MFSD6: variants seen among roughly 807,000 people sequenced by gnomAD.
MFSD6 encodes major facilitator superfamily domain-containing protein 6.
A neutral mutation model predicts 56.3 loss-of-function variants in MFSD6; 26 were observed. The ratio of observed to expected loss-of-function variants is 0.46; its 90% confidence interval spans 0.34 to 0.64. MFSD6 has a LOEUF of 0.64. MFSD6 is among the 30% of genes least tolerant of loss of function. The pLI is 0.01. For missense variants in MFSD6, 750 were observed against 986.2 expected (o/e 0.76, Z 3.21); for synonymous variants, 331 against 366.9 (o/e 0.90, Z 1.12).
Position 190,412,331 on chromosome 2 carries a change from T to G in MFSD6, c.-175-2961T>G, listed in dbSNP as rs1575810936. 1 of 984,036 alleles carries G rather than the reference T, an allele frequency of 1.0e-6. No individual in the cohort carries two copies. Among genetic ancestry groups the G allele is most frequent in the Non-Finnish European group, 1.2e-6 (1 of 828,776 alleles). 61.0% of individuals were successfully genotyped at this position (984,036 alleles called of 1,614,324 possible). On this transcript the variant is annotated intron_variant, in intron 1 of 7. Transcript: ENST00000392328. The surrounding 1 kb of genome is among the most constrained non-coding windows in gnomAD (Gnocchi z 4.1). ...GTAAAAGTATTTTACAGAAGAGATA[T>G]TCTCACAATTTTAGGTATTATCCAA... is the stretch of plus-strand genomic sequence containing the variant.
Position 190,435,977 on chromosome 2 carries a change from A to T in MFSD6, c.-53A>T. 1 of 1,543,640 alleles carries T rather than the reference A, an allele frequency of 6.5e-7. No individual in the cohort carries two copies. The highest frequency in any genetic ancestry group is 8.7e-7 in the Non-Finnish European group (1 of 1,147,100). ...CCATCTTTTAAATTTTACTTTACAG[A>T]TCAACAGTACAAATTCTGAAGTTTG... On this transcript the variant is annotated splice_region_variant and 5_prime_UTR_variant, in exon 3 of 8. Transcript: ENST00000392328.
At position 190,490,275 on chromosome 2, in the gene MFSD6, A is replaced by C. The variant is rs541440807; in HGVS notation, c.1891+409A>C. Among the ~76,000 whole-genome samples, 54 of 152,144 alleles carry C rather than the reference A, an allele frequency of 3.5e-4. No homozygotes were observed. The highest frequency in any genetic ancestry group is 6.6e-4 in the Non-Finnish European group (45 of 67,970). ...TACCTTCATTTGTTAAAAAAAAAAA[A>C]AACAATGGCCGGGTGCAGTGGCTCA... On this transcript the variant is annotated intron_variant, in intron 6 of 7. Transcript: ENST00000392328. The surrounding 1 kb of genome is among the most constrained non-coding windows in gnomAD (Gnocchi z 4.5).
chr2:190,454,993 T>TA lies in MFSD6; in HGVS notation c.1533-14764dup, dbSNP rs377412166. Among the ~76,000 whole-genome samples, 3 of 83,736 alleles carry TA rather than the reference T, an allele frequency of 3.6e-5. No homozygotes were observed. The highest frequency in any genetic ancestry group is 9.6e-5 in the African/African-American group (3 of 31,102). 54.9% of individuals were successfully genotyped at this position (83,736 alleles called of 152,430 possible). A position where few individuals can be genotyped will look rare whatever the true frequency, so the allele number is the denominator to read the frequency against. On this transcript the variant is annotated intron_variant, in intron 3 of 7. Coordinates refer to ENST00000392328, the MANE Select transcript of MFSD6 (RefSeq NM_017694.4). This position sits in a 1 kb window ranked among gnomAD's most constrained non-coding sequence, Gnocchi z 4.6. ...ATATGTATATGTATATGTATATGTA[T>TA]ATGTATAATGTATATGTATATGTAT...
intron 4 of MFSD6, among the ~76,000 whole-genome samples, chr2:190,482,868 CT>C (rs199927176): frequency 1.1e-3 from 52 of 48,258 alleles, no homozygotes; most frequent in African/African-American, 1.5e-3. Context: ...AGACTATCAT[CT>C]TTTTTTTTTT....
chr2:190,434,845 C>G lies in MFSD6; in HGVS notation c.-53-1132C>G, dbSNP rs1686124266. Among the ~76,000 whole-genome samples, 1 of 152,228 alleles carries G rather than the reference C, an allele frequency of 6.6e-6. No individual in the cohort carries two copies. The highest frequency in any genetic ancestry group is 1.5e-5 in the Non-Finnish European group (1 of 68,032). ...ACCCCTGGACCATGGACCGCTACCA[C>G]TCTGTGGCCTGTTAGGAATTGGGCT... On this transcript the variant is annotated intron_variant, in intron 2 of 7. Transcript: ENST00000392328. The surrounding 1 kb of genome is among the most constrained non-coding windows in gnomAD (Gnocchi z 4.3).
rs951442449 is a variant in MFSD6, at chr2:190,459,073, C to G, written c.1533-10685C>G. The stretch of plus-strand genomic sequence containing the variant: ...CCTTCCCATCCTTGAGTCTCACCTG[C>G]AGCTTTGCTTCTCCAACTCCCTAGG... On this transcript the variant is annotated intron_variant, in intron 3 of 7. Coordinates refer to ENST00000392328, the MANE Select transcript of MFSD6 (RefSeq NM_017694.4). This position sits in a 1 kb window ranked among gnomAD's most constrained non-coding sequence, Gnocchi z 5.3. Among the ~76,000 whole-genome samples the G allele has an allele frequency of 1.3e-5, 2 of 152,208 alleles. No individual in the cohort carries two copies. The highest frequency in any genetic ancestry group is 4.8e-5 in the African/African-American group (2 of 41,458).
At chr2:190,408,714 C>A (rs1394636124) in intron 1 of MFSD6, among the ~76,000 whole-genome samples, 1 of 150,812 alleles carries the variant, frequency 6.6e-6, no homozygotes, top group African/African-American at 2.4e-5. Context: ...TCCCTCCCTC[C>A]CCCGGCTTCC....
chr2:190,470,067 C>G (rs528543781), intron 4 of MFSD6, among the ~76,000 whole-genome samples: 10 of 152,262 alleles, frequency 6.6e-5, no homozygotes, highest in Admixed American at 3.9e-4. Context: ...CAAAGCTGGA[C>G]TTGATCCACA....
intron 3 of MFSD6, among the ~76,000 whole-genome samples, chr2:190,460,688 A>G (rs62181019): frequency 0.19 from 29,099 of 152,040 alleles, 2,948 homozygotes; most frequent in East Asian, 0.29. Context: ...TGATGCTGCA[A>G]TCACATATTA....
At position 190,462,105 on chromosome 2, in the gene MFSD6, G is replaced by A. The variant is rs1687359953; in HGVS notation, c.1533-7653G>A. 6.6e-6 allele frequency among the ~76,000 whole-genome samples: 1 copy of A among 152,026 alleles called. No individual in the cohort carries two copies. The highest frequency in any genetic ancestry group is 2.4e-5 in the African/African-American group (1 of 41,394). On this transcript the variant is annotated intron_variant, in intron 3 of 7. Transcript: ENST00000392328. The surrounding 1 kb of genome is among the most constrained non-coding windows in gnomAD (Gnocchi z 5.7). The stretch of plus-strand genomic sequence containing the variant: ...CAGATTTCCAGGATAATCATTGTTC[G>A]TGATTTGCTGTCTGTCTCCTTCTTG...
chr2:190,460,306 T>A (rs918362775), intron 3 of MFSD6, among the ~76,000 whole-genome samples: 2 of 152,250 alleles, frequency 1.3e-5, no homozygotes, highest in South Asian at 2.1e-4. Context: ...ATCTATTTTT[T>A]AAATATATTT....
rs746800451 is a variant in MFSD6, at chr2:190,436,586, C to G, written c.557C>G (p.Thr186Ser). 1.2e-6 allele frequency: 2 copies of G among 1,614,094 alleles called. No individual in the cohort carries two copies. The highest frequency in any genetic ancestry group is 2.7e-5 in the African/African-American group (2 of 74,940). ...ATCCTGCCAACAAATTCTTCCTTTACCTCTTTCCTCACCATATCACCAAAA... is the reference window on the plus strand; with the variant it reads ...ATCCTGCCAACAAATTCTTCCTTTAGCTCTTTCCTCACCATATCACCAAAA... ...LTILPTNSSF[T>S]SFLTISPKMR... The change falls in exon 3 of 8, where the codon ACC becomes AGC. Residue 186 changes from threonine (T) to serine (S), a missense_variant. By Grantham distance (58) the Thr-to-Ser change is moderately conservative. Transcript: ENST00000392328. This position sits in a 1 kb window ranked among gnomAD's most constrained non-coding sequence, Gnocchi z 5.3.
chr2:190,468,619 A>AT (rs71027223), intron 3 of MFSD6, among the ~76,000 whole-genome samples: 5,960 of 128,000 alleles, frequency 0.047, 218 homozygotes, highest in Middle Eastern at 0.15. Flanking sequence ...AGCCTGGCTA[A>AT]TTTTTTTTTT....
chr2:190,440,525 A>G (rs1000447928), intron 3 of MFSD6, among the ~76,000 whole-genome samples: 91 of 152,378 alleles, frequency 6.0e-4, no homozygotes, highest in Admixed American at 5.7e-3. Context: ...ATCTTAAGGT[A>G]TCTTCACATT....
intron 6 of MFSD6, among the ~76,000 whole-genome samples, chr2:190,493,668 G>GTACT (rs1689495595): frequency 6.6e-6 from 1 of 152,006 alleles, no homozygotes. Context: ...ATTATATCAA[G>GTACT]TACTCTCTCA....
rs2124990490 is a variant in MFSD6, at chr2:190,417,953, T to G, written c.-54+2540T>G. On this transcript the variant is annotated intron_variant, in intron 2 of 7. Transcript: ENST00000392328. This position sits in a 1 kb window ranked among gnomAD's most constrained non-coding sequence, Gnocchi z 5.7. ...TCCATTATTATTCTGACTTTTCATT[T>G]AACCCTTTAGTGGTGTGTGTGTGTG... Among the ~76,000 whole-genome samples the G allele has an allele frequency of 6.8e-6, 1 of 147,160 alleles. No homozygotes were observed. Among genetic ancestry groups the G allele is most frequent in the African/African-American group, 2.6e-5 (1 of 39,180 alleles).
chr2:190,413,040 AGTTAC>A lies in MFSD6; in HGVS notation c.-175-2251_-175-2247del, dbSNP rs1402547545. ...CTATATGTTAATATGTGTCTGCTAT[AGTTAC>A]TGGTTGCTATGTTATGGCTTTAAAA... On this transcript the variant is annotated intron_variant, in intron 1 of 7. Transcript: ENST00000392328. The surrounding 1 kb of genome is among the most constrained non-coding windows in gnomAD (Gnocchi z 4.1). Among the ~76,000 whole-genome samples the A allele has an allele frequency of 6.6e-6, 1 of 152,218 alleles. No homozygotes were observed. Among genetic ancestry groups the A allele is most frequent in the Non-Finnish European group, 1.5e-5 (1 of 68,042 alleles).
Position 190,431,375 on chromosome 2 carries a change from G to A in MFSD6, c.-53-4602G>A, listed in dbSNP as rs1296764742. On this transcript the variant is annotated intron_variant, in intron 2 of 7. Transcript: ENST00000392328. The surrounding 1 kb of genome is among the most constrained non-coding windows in gnomAD (Gnocchi z 4.4). The stretch of plus-strand genomic sequence containing the variant: ...AGGCAGCTGGGAGGTGGAGGTTGTA[G>A]CGAGCCGAGATCACCCCACTGCACT... Among the ~76,000 whole-genome samples the A allele has an allele frequency of 6.6e-6, 1 of 152,234 alleles. No individual in the cohort carries two copies. The highest frequency in any genetic ancestry group is 1.5e-5 in the Non-Finnish European group (1 of 68,036).
rs970741286 is a variant in MFSD6 at position 190,501,550 on chromosome 2, T to G, written c.*1332T>G. 4 of 152,188 alleles carry G rather than the reference T, an allele frequency of 2.6e-5. No individual in the cohort carries two copies. Among genetic ancestry groups the G allele is most frequent in the Admixed American group, 6.5e-5 (1 of 15,280 alleles). The allele number at this position is 152,188 out of a possible 1,614,324, so 9.4% of individuals were successfully genotyped here. ...GGTGAATTATATAATTTATAATAGC[T>G]GTGGATGAGCACAGGAGAGAGAGGA... is the stretch of plus-strand genomic sequence containing the variant. On this transcript the variant is annotated 3_prime_UTR_variant, in exon 8 of 8. Coordinates refer to ENST00000392328, the MANE Select transcript of MFSD6 (RefSeq NM_017694.4).
Sources: gnomAD v4.1 joint callset for allele counts (sites outside exome capture counted in the v4.1 genomes callset) on GRCh38, gnomAD v4.1.1 for gene constraint, Gnocchi (gnomAD v3.1) non-coding constraint, MANE v1.5 for transcripts, NCBI Gene and HGNC (gene_info 2026-07-23, HGNC 2026-07-21) for gene names.